RFPL2: variants seen among roughly 807,000 people sequenced by gnomAD.
The protein encoded by RFPL2 is ret finger protein like 2, also known as ret finger protein-like 2.
In RFPL2, 13 loss-of-function variants were observed where a neutral mutation model predicts 17.8. The observed-to-expected ratio is 0.73, with a 90% CI of 0.47 to 1.16. The LOEUF (loss-of-function observed/expected upper bound fraction) is 1.16. Ranked by LOEUF, RFPL2 falls within the 50% of genes most tolerant of loss-of-function variation. The pLI is 0.00. For synonymous variants in RFPL2, 189 were observed against 180.9 expected (o/e 1.04, Z -0.36); for missense variants, 431 against 479.3 (o/e 0.90, Z 0.94).
At chr22:32,197,962 G>A (rs1169205129) in intron 2 of RFPL2, among the ~76,000 whole-genome samples, 3 of 152,154 alleles carry the variant, frequency 2.0e-5, no homozygotes, top group Admixed American at 2.0e-4. Flanking sequence ...CCTGGAGGTT[G>A]AGGCTGGACT....
chr22:32,192,687 T>C (rs1262710306), intron 4 of RFPL2, among the ~76,000 whole-genome samples: 2 of 152,250 alleles, frequency 1.3e-5, no homozygotes, highest in Non-Finnish European at 2.9e-5. Flanking sequence ...ATCCCTTGTC[T>C]AACCCATGAC....
At position 32,190,679 on chromosome 22, in the gene RFPL2, C is replaced by T. The variant is rs971108065; in HGVS notation, c.*93G>A. ...AATGTCCCATATTTTTCTCCCGTGA[C>T]TTTGTATAATGCTTTTACGAAGTAG... On this transcript the variant is annotated 3_prime_UTR_variant, in exon 5 of 5. Coordinates refer to ENST00000652607, the MANE Select transcript of RFPL2 (RefSeq NM_001394555.1). 70 of 1,295,060 alleles carry T rather than the reference C, an allele frequency of 5.4e-5. No homozygotes were observed. In the African/African-American group the frequency reaches 1.0e-3, roughly 19 times the overall value. The allele number at this position is 1,295,060 out of a possible 1,614,324, so 80.2% of individuals were successfully genotyped here.
At chr22:32,193,430 C>G (rs3986033) in intron 3 of RFPL2, 110,300 of 1,469,618 alleles carry the variant, frequency 0.075, 4,792 homozygotes, top group Non-Finnish European at 0.086. Context: ...GTGGAGGAAG[C>G]GTCCATTCTC....
rs1922900949 is a variant in RFPL2 at position 32,193,190 on chromosome 22, C to T, written c.268G>A (p.Asp90Asn). ...GCTTCTTGGAAGAGTGCAGCCATGT[C>T]CACTGCCAGGGGAAAAGTACACAAG... Reference protein sequence around the residue: ...EDRGASSRRVDMAALFQEASS... With the variant: ...EDRGASSRRVNMAALFQEASS... Residue 90 changes from aspartate (D) to asparagine (N), a missense_variant and splice_region_variant, in exon 4 of 5, where the codon GAC becomes AAC. Transcript: ENST00000652607. The T allele has an allele frequency of 6.2e-7, 1 of 1,613,934 alleles. No homozygotes were observed. The highest frequency in any genetic ancestry group is 8.5e-7 in the Non-Finnish European group (1 of 1,179,854).
chr22:32,201,702 C>T (rs1344441610), intron 2 of RFPL2, among the ~76,000 whole-genome samples: 1 of 152,176 alleles, frequency 6.6e-6, no homozygotes, highest in Non-Finnish European at 1.5e-5. Context: ...TTCTGGGGCT[C>T]CAGCTGCTCT....
At chr22:32,202,034 G>A (rs1366954377) in intron 2 of RFPL2, among the ~76,000 whole-genome samples, 2 of 152,152 alleles carry the variant, frequency 1.3e-5, no homozygotes, top group South Asian at 2.1e-4. Context: ...CAGCAGGGCC[G>A]GGCTCCTTCC....
intron 1 of RFPL2, 155 bp from the exon 2 acceptor site, chr22:32,202,705 G>C: frequency 7.8e-7 from 1 of 1,287,714 alleles, no homozygotes; most frequent in Non-Finnish European, 9.9e-7. Flanking sequence ...GGCCTGGAGT[G>C]GGGACTGCAG....
In RFPL2 at chr22:32,197,414, A is replaced by AT. The variant is rs111977737; in HGVS notation, c.120-2925dup. On this transcript the variant is annotated intron_variant, in intron 2 of 4. Coordinates refer to ENST00000652607, the MANE Select transcript of RFPL2 (RefSeq NM_001394555.1). ...TTTTTTTTTTCTTTTTTTTTACTTC[A>AT]TTTTTTTTTATTATTATACTTTAAA... is the stretch of plus-strand genomic sequence containing the variant. 1.3e-3 allele frequency among the ~76,000 whole-genome samples: 193 copies of AT among 148,338 alleles called. 3 individuals are homozygous for AT. The highest frequency in any genetic ancestry group is 6.8e-3 in the Middle Eastern group (2 of 292).
chr22:32,193,282 G>A, intron 3 of RFPL2, 90 bp from the exon 4 acceptor site: 1 of 1,607,328 alleles, frequency 6.2e-7, no homozygotes, highest in Non-Finnish European at 8.5e-7. Flanking sequence ...CATGCATAGA[G>A]GTATTGTGTT....
rs1175311631 is a variant in RFPL2, at chr22:32,204,825, A to C, written c.-218T>G. Among the ~76,000 whole-genome samples, 2 of 152,228 alleles carry C rather than the reference A, an allele frequency of 1.3e-5. No homozygotes were observed. The highest frequency in any genetic ancestry group is 4.8e-5 in the African/African-American group (2 of 41,460). ...CTGGACTACATGTTCAGATTGGATG[A>C]GAGAAAAACCTCTAGGTCTACTCTG... is the stretch of plus-strand genomic sequence containing the variant. On this transcript the variant is annotated 5_prime_UTR_variant, in exon 1 of 5. Coordinates refer to ENST00000652607, the MANE Select transcript of RFPL2 (RefSeq NM_001394555.1).
At chr22:32,198,065 T>G (rs1035445036) in intron 2 of RFPL2, among the ~76,000 whole-genome samples, 2 of 152,118 alleles carry the variant, frequency 1.3e-5, no homozygotes, top group African/African-American at 2.4e-5. Context: ...GTGGTCAGAT[T>G]GGACCTTCCC....
In RFPL2 at chr22:32,193,084, A is replaced by G. The variant is rs1474456563; in HGVS notation, c.374T>C (p.Ile125Thr). The G allele has an allele frequency of 6.2e-7, 1 of 1,613,854 alleles. No homozygotes were observed. Among genetic ancestry groups the G allele is most frequent in the African/African-American group, 1.3e-5 (1 of 74,914 alleles). ...ECGCAVCLKC[I>T]NSLQKEPHGE... Reference sequence around the variant, plus strand: ...ATGGGGCTCCTTCTGCAGTGAATTAATGCACTTGAGGCAGACGGCGCATCC... The same window carrying G: ...ATGGGGCTCCTTCTGCAGTGAATTAGTGCACTTGAGGCAGACGGCGCATCC... Residue 125 changes from isoleucine to threonine, a missense_variant, in exon 4 of 5, where the codon ATT becomes ACT. Coordinates refer to ENST00000652607, the MANE Select transcript of RFPL2 (RefSeq NM_001394555.1).
In RFPL2 at chr22:32,193,600, G is replaced by A. The variant is rs1166137566; in HGVS notation, c.266-408C>T. 9 of 833,682 alleles carry A rather than the reference G, an allele frequency of 1.1e-5. 1 individual carries two copies. Among genetic ancestry groups the A allele is most frequent in the East Asian group, 5.7e-5 (1 of 17,512 alleles). 51.6% of individuals were successfully genotyped at this position (833,682 alleles called of 1,614,324 possible). A position where few individuals can be genotyped will look rare whatever the true frequency, so the allele number is the denominator to read the frequency against. Reference sequence around the variant, plus strand: ...TGGGAGGCCGGGCACGATGGCTCATGCCTGTCCAGCACTTTGGGAGGCCAA... The same window carrying A: ...TGGGAGGCCGGGCACGATGGCTCATACCTGTCCAGCACTTTGGGAGGCCAA... On this transcript the variant is annotated intron_variant, in intron 3 of 4. Transcript: ENST00000652607.
At chr22:32,199,628 G>A (rs1923708199) in intron 2 of RFPL2, among the ~76,000 whole-genome samples, 1 of 152,220 alleles carries the variant, frequency 6.6e-6, no homozygotes, top group Admixed American at 6.5e-5. Flanking sequence ...GCGTCAGGAT[G>A]ATGCGTGGCA....
rs1292052253 is a variant in RFPL2 at position 32,202,432 on chromosome 22, C to T, written c.20G>A (p.Gly7Asp). 3.1e-6 allele frequency: 5 copies of T among 1,598,168 alleles called. No homozygotes were observed. Among genetic ancestry groups the T allele is most frequent in the Non-Finnish European group, 4.3e-6 (5 of 1,172,354 alleles). ...TTGGGACACTGCAGTCTCTGGGAAG[C>T]CTAATTCAGCCACCTCCATCGGAGG... MEVAEL[G>D]FPETAVSQSR... The change falls in exon 2 of 5, where the codon GGC becomes GAC. Residue 7 changes from glycine (G) to aspartate (D), a missense_variant. Physicochemically the swap from Gly to Asp is moderately conservative, Grantham distance 94 (BLOSUM62 -1). Coordinates refer to ENST00000652607, the MANE Select transcript of RFPL2 (RefSeq NM_001394555.1).
intron 2 of RFPL2, among the ~76,000 whole-genome samples, chr22:32,199,610 G>C (rs1401661264): frequency 6.6e-6 from 1 of 152,232 alleles, no homozygotes; most frequent in Non-Finnish European, 1.5e-5. Context: ...CACAGCCAGA[G>C]CCGGACTGCG....
Position 32,190,661 on chromosome 22 carries a change from C to T in RFPL2, c.*111G>A. Reference sequence around the variant, plus strand: ...GATTAAGTACAATCAAGAAATGTCCCATATTTTTCTCCCGTGACTTTGTAT... The same window carrying T: ...GATTAAGTACAATCAAGAAATGTCCTATATTTTTCTCCCGTGACTTTGTAT... On this transcript the variant is annotated 3_prime_UTR_variant, in exon 5 of 5. Transcript: ENST00000652607. 1 of 1,090,556 alleles carries T rather than the reference C, an allele frequency of 9.2e-7. No individual in the cohort carries two copies. The highest frequency in any genetic ancestry group is 1.3e-6 in the Non-Finnish European group (1 of 770,190). 67.6% of individuals were successfully genotyped at this position (1,090,556 alleles called of 1,614,324 possible). A position where few individuals can be genotyped will look rare whatever the true frequency, so the allele number is the denominator to read the frequency against.
chr22:32,201,941 C>T (rs989110188), intron 2 of RFPL2, among the ~76,000 whole-genome samples: 4 of 152,112 alleles, frequency 2.6e-5, no homozygotes, highest in Admixed American at 6.5e-5. Context: ...AATTTAGTGG[C>T]TTAAAATAAC....
intron 4 of RFPL2, 125 bp from the exon 5 acceptor site, chr22:32,191,477 C>T: frequency 3.2e-6 from 4 of 1,256,094 alleles, no homozygotes; most frequent in Middle Eastern, 2.0e-4. Context: ...CCCCAAAATC[C>T]AAACTTCATG....
Sources: allele counts gnomAD v4.1 joint callset (sites outside exome capture counted in the v4.1 genomes callset), GRCh38; gene constraint gnomAD v4.1.1; transcripts MANE v1.5; gene names NCBI Gene and HGNC (gene_info 2026-07-23, HGNC 2026-07-21).